TTC28: variants seen among roughly 807,000 people sequenced by gnomAD.
The protein encoded by TTC28 is tetratricopeptide repeat domain 28.
A neutral mutation model predicts 198.0 loss-of-function variants in TTC28; 61 were observed. The ratio of observed to expected loss-of-function variants is 0.31; its 90% CI spans 0.25 to 0.38. TTC28 has a LOEUF of 0.38. Among genes scored for constraint, TTC28 ranks in the 10% least tolerant of loss-of-function variants. The pLI is 1.00. For synonymous variants in TTC28, 1,171 were observed against 1,297.8 expected (o/e 0.90, Z 2.10); for missense variants, 2,678 against 3,164.0 (o/e 0.85, Z 3.69).
At chr22:28,033,906 G>C (rs1444895160) in intron 12 of TTC28, among the ~76,000 whole-genome samples, 1 of 152,126 alleles carries the variant, frequency 6.6e-6, no homozygotes, top group Non-Finnish European at 1.5e-5. Flanking sequence ...GAAGCTGCTA[G>C]ATATGCACAC....
chr22:28,339,681 C>G (rs1477598581), intron 2 of TTC28, among the ~76,000 whole-genome samples: 8 of 152,198 alleles, frequency 5.3e-5, no homozygotes, highest in Non-Finnish European at 1.2e-4. Flanking sequence ...GGCGCAGGAC[C>G]CTCCGAGCCA....
At chr22:28,470,214 C>A (rs933909671) in intron 2 of TTC28, among the ~76,000 whole-genome samples, 2 of 152,120 alleles carry the variant, frequency 1.3e-5, no homozygotes, top group African/African-American at 4.8e-5. Flanking sequence ...ACAGTGGCAA[C>A]AGGAAACTAA....
At chr22:28,002,757 T>G (rs1937762486) in intron 14 of TTC28, 1 of 152,158 alleles carries the variant, frequency 6.6e-6, no homozygotes, top group Non-Finnish European at 1.5e-5. Context: ...TCCCAGCACT[T>G]TGGGAGCCCA....
chr22:28,507,698 A>T (rs530338126), intron 2 of TTC28, among the ~76,000 whole-genome samples: 9 of 152,360 alleles, frequency 5.9e-5, no homozygotes, highest in Non-Finnish European at 1.3e-4. Flanking sequence ...TATCAGACTA[A>T]TAGCAGACCT....
At chr22:28,418,166 T>G (rs1237701377) in intron 2 of TTC28, among the ~76,000 whole-genome samples, 1 of 152,198 alleles carries the variant, frequency 6.6e-6, no homozygotes, top group Non-Finnish European at 1.5e-5. Context: ...CCATTAGCTA[T>G]GTAACCAAGG....
intron 2 of TTC28, among the ~76,000 whole-genome samples, chr22:28,423,537 A>C (rs2146179469): frequency 6.6e-6 from 1 of 152,384 alleles, no homozygotes; most frequent in Middle Eastern, 3.4e-3. Context: ...TAGTTCTATA[A>C]TACTACTGGA....
intron 2 of TTC28, among the ~76,000 whole-genome samples, chr22:28,587,154 C>G (rs939806582): frequency 5.9e-5 from 9 of 152,024 alleles, no homozygotes; most frequent in African/African-American, 1.9e-4. Flanking sequence ...GCCGGGAGTT[C>G]GAGACCATCC....
intron 11 of TTC28, among the ~76,000 whole-genome samples, chr22:28,095,376 T>A (rs1263237527): frequency 6.6e-6 from 1 of 152,302 alleles, no homozygotes; most frequent in Middle Eastern, 3.4e-3. Flanking sequence ...ATCATTTTTT[T>A]TTTTTTTAAA....
chr22:28,405,804 T>C (rs895988644), intron 2 of TTC28, among the ~76,000 whole-genome samples: 21 of 152,242 alleles, frequency 1.4e-4, no homozygotes, highest in African/African-American at 4.8e-4. Flanking sequence ...ACCATTGCCA[T>C]GGTAATACCC....
At chr22:28,472,552 A>ATGTGTG (rs3053555) in intron 2 of TTC28, among the ~76,000 whole-genome samples, 2,657 of 114,790 alleles carry the variant, frequency 0.023, 31 homozygotes, top group Middle Eastern at 0.047. Flanking sequence ...GAAAATGTGT[A>ATGTGTG]TGTGTGTGTG....
At chr22:28,167,194 A>T (rs1233635409) in intron 5 of TTC28, among the ~76,000 whole-genome samples, 1 of 152,226 alleles carries the variant, frequency 6.6e-6, no homozygotes, top group Non-Finnish European at 1.5e-5. Context: ...CTTACCAGCC[A>T]AGAAAAGGTC....
intron 6 of TTC28, among the ~76,000 whole-genome samples, chr22:28,162,880 G>C (rs1921380222): frequency 6.6e-6 from 1 of 152,194 alleles, no homozygotes; most frequent in African/African-American, 2.4e-5. Flanking sequence ...AGTGAGGTGT[G>C]GTTGTGCCAC....
At chr22:28,675,838 T>C (rs190514519) in intron 1 of TTC28, among the ~76,000 whole-genome samples, 3 of 151,312 alleles carry the variant, frequency 2.0e-5, no homozygotes, top group African/African-American at 7.3e-5. Flanking sequence ...ATCCCAACAC[T>C]TTCTGGGAGG....
intron 6 of TTC28, among the ~76,000 whole-genome samples, chr22:28,134,465 G>T (rs1291314493): frequency 1.3e-5 from 2 of 152,180 alleles, no homozygotes; most frequent in African/African-American, 4.8e-5. Flanking sequence ...GTTGAAAAAA[G>T]ATTAGACGAA....
chr22:28,512,100 A>C (rs1417416675), intron 2 of TTC28, among the ~76,000 whole-genome samples: 1 of 152,130 alleles, frequency 6.6e-6, no homozygotes, highest in Non-Finnish European at 1.5e-5. Flanking sequence ...ATTACAAAAA[A>C]AAAACAAACA....
intron 2 of TTC28, among the ~76,000 whole-genome samples, chr22:28,349,557 A>T (rs2045961547): frequency 6.6e-6 from 1 of 152,176 alleles, no homozygotes; most frequent in Admixed American, 6.5e-5. Context: ...ACTGGAAAGG[A>T]GCCAAGAGGC....
At position 28,372,140 on chromosome 22, in the gene TTC28, C is replaced by G. The variant is rs968455325; in HGVS notation, c.382-65497G>C. 2.0e-5 allele frequency among the ~76,000 whole-genome samples: 3 copies of G among 152,154 alleles called. No individual in the cohort carries two copies. The South Asian group carries it at 6.2e-4, about 32-fold the overall frequency. ...GAGAGTCCAGCAAACAGGAAACCTT[C>G]AACAATGACAGATGATAGATTTAAT... On this transcript the variant is annotated intron_variant, in intron 2 of 22. Coordinates refer to ENST00000397906, the MANE Select transcript of TTC28 (RefSeq NM_001145418.2).
chr22:28,469,490 T>A (rs2048070910), intron 2 of TTC28, among the ~76,000 whole-genome samples: 1 of 151,894 alleles, frequency 6.6e-6, no homozygotes, highest in Admixed American at 6.6e-5. Context: ...AATAAAAAAA[T>A]GGGGAGAATA....
chr22:28,197,512 G>A (rs1925492742), intron 5 of TTC28, among the ~76,000 whole-genome samples: 1 of 151,940 alleles, frequency 6.6e-6, no homozygotes, highest in African/African-American at 2.4e-5. Context: ...AGAAGCAAAT[G>A]TAAGTGATTA....
Sources: allele counts gnomAD v4.1 joint callset (sites outside exome capture counted in the v4.1 genomes callset), GRCh38; gene constraint gnomAD v4.1.1; transcripts MANE v1.5; gene names NCBI Gene and HGNC (gene_info 2026-07-23, HGNC 2026-07-21).